PCNX4: variants seen among roughly 807,000 people sequenced by gnomAD.
The protein encoded by PCNX4 is pecanex 4.
In PCNX4, 103 loss-of-function variants were observed where a neutral mutation model predicts 107.2. That is an observed-to-expected ratio of 0.96 (90% CI 0.82 to 1.13). PCNX4 has a LOEUF of 1.13. Among genes scored for constraint, PCNX4 ranks in the 50% most tolerant of loss-of-function variants. PCNX4 has a pLI of 0.00. For synonymous variants in PCNX4, 541 were observed against 481.7 expected (o/e 1.12, Z -1.61); for missense variants, 1,528 against 1,379.4 (o/e 1.11, Z -1.71).
Position 60,140,360 on chromosome 14 carries a change from T to C in PCNX4, c.*6139T>C, listed in dbSNP as rs982459135. On this transcript the variant is annotated 3_prime_UTR_variant, in exon 11 of 11. Coordinates refer to ENST00000406854, the MANE Select transcript of PCNX4 (RefSeq NM_001330177.2). This position sits in a 1 kb window ranked among gnomAD's most constrained non-coding sequence, Gnocchi z 4.2. ...AAAGAAGTGGAACCTATAGTTACTT[T>C]ATTTGCTTTTCCATAGTGAAACAAC... The C allele has an allele frequency of 6.6e-6, 1 of 152,238 alleles. No individual in the cohort carries two copies. The highest frequency in any genetic ancestry group is 1.9e-4 in the East Asian group (1 of 5,206). The allele number at this position is 152,238 out of a possible 1,614,324, so 9.4% of individuals were successfully genotyped here. A position where few individuals can be genotyped will look rare whatever the true frequency, so the allele number is the denominator to read the frequency against.
rs1405195590 is a variant in PCNX4, at chr14:60,107,706, C to G, written c.68C>G (p.Thr23Ser). 1.9e-6 allele frequency: 3 copies of G among 1,612,830 alleles called. No homozygotes were observed. The highest frequency in any genetic ancestry group is 3.3e-5 in the Admixed American group (2 of 60,014). Reference protein sequence around the residue: ...QDFFLKRFPQTVLGGPRFKLG... With the variant: ...QDFFLKRFPQSVLGGPRFKLG... ...TTCTTTCTGAAGCGCTTTCCACAGA[C>G]TGTTCTTGGAGGCCCTCGATTCAAA... Residue 23 changes from threonine (T) to serine (S), a missense_variant, in exon 2 of 11, where the codon ACT becomes AGT. By Grantham distance (58) the Thr-to-Ser change is moderately conservative. Transcript: ENST00000406854.
intron 2 of PCNX4, among the ~76,000 whole-genome samples, chr14:60,112,910 G>A (rs113196894): frequency 0.022 from 3,301 of 152,294 alleles, 59 homozygotes; most frequent in South Asian, 0.049. Context: ...TGGTCCAGGC[G>A]CGGTGGCTCA....
intron 8 of PCNX4, among the ~76,000 whole-genome samples, chr14:60,123,216 G>T (rs1014709525): frequency 1.3e-5 from 2 of 152,020 alleles, no homozygotes; most frequent in African/African-American, 4.8e-5. Flanking sequence ...TGACATATGT[G>T]GTTTAAAAAT....
Position 60,118,637 on chromosome 14 carries a change from A to G in PCNX4, c.1887A>G (p.Gln629=), listed in dbSNP as rs146093109. ...CVCADTVYYY[Q]MVPRLTAVLQ... ...GTGCAGATACAGTGTACTACTACCA[A>G]ATGGTGCCCAGGTTGACTGCTGTAC... is the stretch of plus-strand genomic sequence containing the variant. The change falls in exon 7 of 11, where the codon CAA becomes CAG. Residue 629 remains glutamine (Q), a synonymous_variant. Coordinates refer to ENST00000406854, the MANE Select transcript of PCNX4 (RefSeq NM_001330177.2). 1.5e-4 allele frequency: 249 copies of G among 1,613,072 alleles called. No homozygotes were observed. In the African/African-American group the frequency reaches 2.1e-3, roughly 14 times the overall value.
rs768156008 is a variant in PCNX4, at chr14:60,118,616, A to C, written c.1866A>C (p.Ala622=). 1 of 1,613,842 alleles carries C rather than the reference A, an allele frequency of 6.2e-7. No homozygotes were observed. Among genetic ancestry groups the C allele is most frequent in the Non-Finnish European group, 8.5e-7 (1 of 1,179,832 alleles). The change falls in exon 7 of 11, where the codon GCA becomes GCC. Residue 622 remains alanine (A), a synonymous_variant. Coordinates refer to ENST00000406854, the MANE Select transcript of PCNX4 (RefSeq NM_001330177.2). ...GAAGTTACVC[A]DTVYYYQMVP... is the part of the protein sequence containing the mutation. ...CAGGCACCACAGCCTGTGTGTGTGC[A>C]GATACAGTGTACTACTACCAAATGG...
At chr14:60,102,845 T>C (rs1414739877) in intron 1 of PCNX4, among the ~76,000 whole-genome samples, 1 of 152,216 alleles carries the variant, frequency 6.6e-6, no homozygotes, top group African/African-American at 2.4e-5. Context: ...TTTTCTATGC[T>C]AGTAATTCAG....
At chr14:60,123,175 C>A (rs1895986519) in intron 8 of PCNX4, among the ~76,000 whole-genome samples, 1 of 152,040 alleles carries the variant, frequency 6.6e-6, no homozygotes, top group Non-Finnish European at 1.5e-5. Flanking sequence ...TTAATAATAC[C>A]TAATAATGTT....
chr14:60,136,996 C>T lies in PCNX4; in HGVS notation c.*2775C>T, dbSNP rs1406135169. 2 of 152,376 alleles carry T rather than the reference C, an allele frequency of 1.3e-5. No homozygotes were observed. Among genetic ancestry groups the T allele is most frequent in the African/African-American group, 4.8e-5 (2 of 41,452 alleles). The allele number at this position is 152,376 out of a possible 1,614,324, so 9.4% of individuals were successfully genotyped here. On this transcript the variant is annotated 3_prime_UTR_variant, in exon 11 of 11. Coordinates refer to ENST00000406854, the MANE Select transcript of PCNX4 (RefSeq NM_001330177.2). ...TAACACTAACGTTACTGAATTTTCC[C>T]TAAAACCTACTTTTCTACTTCTAAC...
In PCNX4 at chr14:60,124,334, T is replaced by A. The variant is rs915812419; in HGVS notation, c.2163T>A (p.Phe721Leu). The change falls in exon 9 of 11, where the codon TTT (phenylalanine) becomes TTA (leucine). Residue 721 changes from phenylalanine (F) to leucine (L), a missense_variant. Transcript: ENST00000406854. ...GAGTATGTTCCCTTAATGAACACTT[T>A]GGAAATGTCTTGACACCCTGTACTG... is the stretch of plus-strand genomic sequence containing the variant. ...YTRVCSLNEH[F>L]GNVLTPCTVL... 5 of 1,612,902 alleles carry A rather than the reference T, an allele frequency of 3.1e-6. No individual in the cohort carries two copies. Among genetic ancestry groups the A allele is most frequent in the African/African-American group, 2.7e-5 (2 of 75,034 alleles).
chr14:60,116,768 G>A (rs1224683140), intron 6 of PCNX4, among the ~76,000 whole-genome samples: 1 of 152,138 alleles, frequency 6.6e-6, no homozygotes, highest in African/African-American at 2.4e-5. Flanking sequence ...AGAAGGCATT[G>A]TTATCATAGG....
In PCNX4 at chr14:60,118,655, T is replaced by C. The variant is rs921341847; in HGVS notation, c.1905T>C (p.Thr635=). 6.2e-7 allele frequency: 1 copy of C among 1,609,692 alleles called. No individual in the cohort carries two copies. Among genetic ancestry groups the C allele is most frequent in the African/African-American group, 1.3e-5 (1 of 74,806 alleles). ...ACTACCAAATGGTGCCCAGGTTGACTGCTGTACTGCAGACTGCAATGGCAG... is the reference window on the plus strand; with the variant it reads ...ACTACCAAATGGTGCCCAGGTTGACCGCTGTACTGCAGACTGCAATGGCAG... ...VYYYQMVPRL[T]AVLQTAMAAG... is the part of the protein sequence containing the mutation. The change falls in exon 7 of 11, where the codon ACT becomes ACC. Residue 635 remains threonine (T), a synonymous_variant. Transcript: ENST00000406854.
At chr14:60,095,465 G>A (rs1246259955) in intron 1 of PCNX4, among the ~76,000 whole-genome samples, 6 of 152,186 alleles carry the variant, frequency 3.9e-5, no homozygotes, top group African/African-American at 9.7e-5. Flanking sequence ...TAGGGGAGGT[G>A]TGTAGCTTTT....
chr14:60,125,171 T>C lies in PCNX4; in HGVS notation c.3000T>C (p.Gly1000=). Residue 1000 remains glycine, a synonymous_variant, in exon 9 of 11, where the codon GGT becomes GGC. Coordinates refer to ENST00000406854, the MANE Select transcript of PCNX4 (RefSeq NM_001330177.2). ...PSPGHILRVY[G]GVLPWSVALD... ...CTGGTCATATATTGAGAGTTTACGG[T>C]GGTGTTTTGCCTTGGTCTGTTGCTT... The C allele has an allele frequency of 6.2e-7, 1 of 1,611,886 alleles. No individual in the cohort carries two copies. The highest frequency in any genetic ancestry group is 2.2e-5 in the East Asian group (1 of 44,852).
rs1300354319 is a variant in PCNX4 at position 60,125,828 on chromosome 14, G to A, written c.3267+5G>A. On this transcript the variant is annotated splice_donor_5th_base_variant and intron_variant, in intron 10 of 10. Transcript: ENST00000406854. ...CTGGGGTATGATTCTAATATGGTAA[G>A]GTTAAAAAATTTTTAAACTTACATA... 3 of 1,581,588 alleles carry A rather than the reference G, an allele frequency of 1.9e-6. No individual in the cohort carries two copies. Among genetic ancestry groups the A allele is most frequent in the African/African-American group, 1.4e-5 (1 of 73,016 alleles).
At chr14:60,125,857 T>C (rs2140562962) in intron 10 of PCNX4, 34 bp downstream of exon 10, 1 of 1,409,720 alleles carries the variant, frequency 7.1e-7, no homozygotes. Flanking sequence ...TTACATATAC[T>C]AACCTTAAAG....
At chr14:60,117,543 G>A (rs185594487) in intron 6 of PCNX4, among the ~76,000 whole-genome samples, 3 of 152,168 alleles carry the variant, frequency 2.0e-5, no homozygotes, top group African/African-American at 7.2e-5. Flanking sequence ...TTTATCTTGG[G>A]TATACCTACC....
At position 60,128,098 on chromosome 14, in the gene PCNX4, G is replaced by A. The variant is rs76262606; in HGVS notation, c.3267+2275G>A. ...AAAAGGAAGAGAGCTTCAGAGAAAC[G>A]TGGAACACCATTAACTGCTCCAACA... On this transcript the variant is annotated intron_variant, in intron 10 of 10. Coordinates refer to ENST00000406854, the MANE Select transcript of PCNX4 (RefSeq NM_001330177.2). Among the ~76,000 whole-genome samples, 484 of 152,248 alleles carry A rather than the reference G, an allele frequency of 3.2e-3. 1 individual carries two copies. The highest frequency in any genetic ancestry group is 9.7e-3 in the African/African-American group (404 of 41,538).
At position 60,125,636 on chromosome 14, in the gene PCNX4, G is replaced by A. The variant is rs577712797; in HGVS notation, c.3081-1G>A. 11 of 1,474,668 alleles carry A rather than the reference G, an allele frequency of 7.5e-6. No individual in the cohort carries two copies. The African/African-American group carries it at 1.3e-4, about 17-fold the overall frequency. 91.3% of individuals were successfully genotyped at this position (1,474,668 alleles called of 1,614,324 possible). A position where few individuals can be genotyped will look rare whatever the true frequency, so the allele number is the denominator to read the frequency against. On this transcript the variant is annotated splice_acceptor_variant, in intron 9 of 10. Coordinates refer to ENST00000406854, the MANE Select transcript of PCNX4 (RefSeq NM_001330177.2). LOFTEE classifies it high-confidence loss of function. Reference sequence around the variant, plus strand: ...ATTCTTCGGTTCTCCATTTTTTTTAGGTATACTCTGAAACTAATGATTGAT... The same window carrying A: ...ATTCTTCGGTTCTCCATTTTTTTTAAGTATACTCTGAAACTAATGATTGAT...
At chr14:60,095,288 T>C (rs1895402480) in intron 1 of PCNX4, among the ~76,000 whole-genome samples, 1 of 152,146 alleles carries the variant, frequency 6.6e-6, no homozygotes, top group African/African-American at 2.4e-5. Context: ...GAGGAAAATA[T>C]TAGGGGAATC....
Sources: allele counts gnomAD v4.1 joint callset (sites outside exome capture counted in the v4.1 genomes callset), GRCh38; gene constraint gnomAD v4.1.1; non-coding constraint Gnocchi (gnomAD v3.1); transcripts MANE v1.5; gene names NCBI Gene and HGNC (gene_info 2026-07-23, HGNC 2026-07-21).